Variants in IQGAP1 observed in about 807,000 individuals in gnomAD.
The protein encoded by IQGAP1 is ras GTPase-activating-like protein IQGAP1.
In IQGAP1, 66 loss-of-function variants were observed where a neutral mutation model predicts 215.6. That is an observed-to-expected ratio of 0.31 (90% confidence interval 0.25 to 0.38). The LOEUF (loss-of-function observed/expected upper bound fraction) is 0.38, where lower values mean the gene tolerates loss of function less well. IQGAP1 is among the 10% of genes least tolerant of loss of function. The probability of loss-of-function intolerance (pLI) is 1.00; values close to 1 mark genes in which losing one functional copy is unlikely to be tolerated. For synonymous variants in IQGAP1, 772 were observed against 728.7 expected, an observed-to-expected ratio of 1.06 and a Z score of -0.96; for missense variants, 1,712 against 1,997.1, an observed-to-expected ratio of 0.86 and a Z score of 2.72.
At chr15:90,478,912 A>G (rs1966017232) in intron 26 of IQGAP1, among the ~76,000 whole-genome samples, 1 of 152,250 alleles carries the variant, frequency 6.6e-6, no homozygotes, top group Non-Finnish European at 1.5e-5. Flanking sequence ...GCCATAGCGT[A>G]ACCACCAACA....
chr15:90,496,126 A>C (rs972518866), intron 36 of IQGAP1, among the ~76,000 whole-genome samples: 1 of 151,756 alleles, frequency 6.6e-6, no homozygotes, highest in African/African-American at 2.4e-5. Flanking sequence ...GAGGCGTTCC[A>C]GTTGAATAAG....
At chr15:90,414,910 G>A (rs1305416596) in intron 2 of IQGAP1, among the ~76,000 whole-genome samples, 2 of 151,980 alleles carry the variant, frequency 1.3e-5, no homozygotes, top group Non-Finnish European at 2.9e-5. Flanking sequence ...TTGTTTAATG[G>A]CATCATCTTT....
Position 90,500,243 on chromosome 15 carries a change from C to T in IQGAP1, c.*135C>T, listed in dbSNP as rs575008837. On this transcript the variant is annotated 3_prime_UTR_variant, in exon 38 of 38. Coordinates refer to ENST00000268182, the MANE Select transcript of IQGAP1 (RefSeq NM_003870.4). ...TCAATCTGATACACTCCCGATGCCA[C>T]ATTTTTAACTCCTCTCGCTCTGATG... The T allele has an allele frequency of 3.4e-6, 2 of 596,170 alleles. No individual in the cohort carries two copies. The highest frequency in any genetic ancestry group is 2.8e-5 in the East Asian group (1 of 36,064). 36.9% of individuals were successfully genotyped at this position (596,170 alleles called of 1,614,324 possible). A position where few individuals can be genotyped will look rare whatever the true frequency, so the allele number is the denominator to read the frequency against.
intron 15 of IQGAP1, among the ~76,000 whole-genome samples, chr15:90,464,569 G>A (rs574309755): frequency 3.3e-5 from 5 of 152,084 alleles, no homozygotes; most frequent in East Asian, 1.9e-4. Flanking sequence ...GGAAGATAAC[G>A]GCCAGGCGCA....
chr15:90,499,971 TG>T, intron 37 of IQGAP1, 23 bp from the exon 38 acceptor site: 1 of 1,209,946 alleles, frequency 8.3e-7, no homozygotes, highest in Non-Finnish European at 1.2e-6. Flanking sequence ...TGTTTTGTTT[TG>T]TTTTGTTTTG....
rs373044157 is a variant in IQGAP1 at position 90,500,441 on chromosome 15, TTTAA to T, written c.*337_*340del. On this transcript the variant is annotated 3_prime_UTR_variant, in exon 38 of 38. Coordinates refer to ENST00000268182, the MANE Select transcript of IQGAP1 (RefSeq NM_003870.4). ...ACTATATTGTAAGCTTTGGTGTTTGTTTAATTAGCAATAGGGATGGTAGGATTCA... is the reference window on the plus strand; with the variant it reads ...ACTATATTGTAAGCTTTGGTGTTTGTTTAGCAATAGGGATGGTAGGATTCA... 2.1e-4 allele frequency: 42 copies of T among 195,898 alleles called. No individual in the cohort carries two copies. The highest frequency in any genetic ancestry group is 9.2e-4 in the African/African-American group (40 of 43,682). 12.1% of individuals were successfully genotyped at this position (195,898 alleles called of 1,614,324 possible).
intron 3 of IQGAP1, among the ~76,000 whole-genome samples, chr15:90,426,482 C>T (rs1026211576): frequency 2.6e-5 from 4 of 151,306 alleles, no homozygotes; most frequent in African/African-American, 9.7e-5. Context: ...TCTGGAAAGC[C>T]CGCCTCCCCC....
At chr15:90,417,852 A>G (rs1965075453) in intron 2 of IQGAP1, among the ~76,000 whole-genome samples, 1 of 152,198 alleles carries the variant, frequency 6.6e-6, no homozygotes, top group South Asian at 2.1e-4. Context: ...TGAGCATGGA[A>G]TGTTCTTCCA....
In IQGAP1 at chr15:90,494,742, G is replaced by C. The variant is rs371367230; in HGVS notation, c.4658G>C (p.Gly1553Ala). Residue 1553 changes from glycine to alanine, a missense_variant, in exon 36 of 38, where the codon GGA becomes GCA. Physicochemically the swap from Gly to Ala is moderately conservative, Grantham distance 60 (BLOSUM62 0). Coordinates refer to ENST00000268182, the MANE Select transcript of IQGAP1 (RefSeq NM_003870.4). ...TCCAAAAAGCCTAGGGAAATGAAAG[G>C]AAAGAAAAGCAAAAAGATTTCTCTG... is the stretch of plus-strand genomic sequence containing the variant. ...KVSKKPREMK[G>A]KKSKKISLKY... 5 of 1,609,832 alleles carry C rather than the reference G, an allele frequency of 3.1e-6. No homozygotes were observed. Among genetic ancestry groups the C allele is most frequent in the African/African-American group, 1.3e-5 (1 of 74,732 alleles).
chr15:90,397,239 T>G (rs1328449957), intron 2 of IQGAP1, among the ~76,000 whole-genome samples: 1 of 152,196 alleles, frequency 6.6e-6, no homozygotes, highest in Non-Finnish European at 1.5e-5. Flanking sequence ...CTCTATATTC[T>G]CATAGTACGA....
intron 4 of IQGAP1, chr15:90,429,924 A>C (rs1284102233): frequency 3.8e-6 from 1 of 261,498 alleles, no homozygotes; most frequent in African/African-American, 2.2e-5. Flanking sequence ...GTAGACTTAC[A>C]TTTTACTATT....
At chr15:90,493,983 C>G (rs1966240218) in intron 35 of IQGAP1, 1 of 152,156 alleles carries the variant, frequency 6.6e-6, no homozygotes, top group Admixed American at 6.5e-5. Flanking sequence ...TTTGTCATGG[C>G]CTCCAGGCCT....
At chr15:90,456,040 G>C (rs1344477863) in intron 14 of IQGAP1, 112 bp from the exon 15 acceptor site, 5 of 859,126 alleles carry the variant, frequency 5.8e-6, no homozygotes, top group Non-Finnish European at 8.8e-6. Context: ...GTTGCAGTTT[G>C]AATCATGGTT....
chr15:90,464,807 A>G (rs2151028490), intron 15 of IQGAP1, among the ~76,000 whole-genome samples: 1 of 151,928 alleles, frequency 6.6e-6, no homozygotes, highest in Middle Eastern at 3.4e-3. Flanking sequence ...AGCCGAGATC[A>G]CGCCACTGCA....
chr15:90,435,488 C>T (rs1965358621), intron 5 of IQGAP1, among the ~76,000 whole-genome samples: 1 of 152,200 alleles, frequency 6.6e-6, no homozygotes, highest in South Asian at 2.1e-4. Flanking sequence ...AAAAACAAAA[C>T]AAAACATTAC....
Position 90,501,238 on chromosome 15 carries a change from T to G in IQGAP1, c.*1130T>G, listed in dbSNP as rs530972997. On this transcript the variant is annotated 3_prime_UTR_variant, in exon 38 of 38. Coordinates refer to ENST00000268182, the MANE Select transcript of IQGAP1 (RefSeq NM_003870.4). ...GTTACACGTGAGATTAAAACCAATT[T>G]TTTCCCCATTTTTTCTCCTTTTTTC... 31 of 152,358 alleles carry G rather than the reference T, an allele frequency of 2.0e-4. No homozygotes were observed. The highest frequency in any genetic ancestry group is 7.0e-4 in the African/African-American group (29 of 41,526). 9.4% of individuals were successfully genotyped at this position (152,358 alleles called of 1,614,324 possible).
chr15:90,456,224 A>G lies in IQGAP1; in HGVS notation c.1685A>G (p.Gln562Arg), dbSNP rs752716090. Residue 562 changes from glutamine (Q) to arginine (R), a missense_variant, in exon 15 of 38, where the codon CAG becomes CGG. Around this residue, in one of 2 missense-constraint regions of IQGAP1, gnomAD observed 1,021 missense variants for 1,074.2 expected, o/e 0.95. Transcript: ENST00000268182. ...GDAQKTLQAL[Q>R]IPAAKLEGVL... Reference sequence around the variant, plus strand: ...GCCCAAAAGACTCTGCAGGCCCTACAGATTCCTGCAGCTAAACTTGAGGGA... The same window carrying G: ...GCCCAAAAGACTCTGCAGGCCCTACGGATTCCTGCAGCTAAACTTGAGGGA... 6.2e-7 allele frequency: 1 copy of G among 1,614,050 alleles called. No homozygotes were observed.
At chr15:90,489,764 C>T (rs1390121992) in intron 33 of IQGAP1, among the ~76,000 whole-genome samples, 1 of 152,210 alleles carries the variant, frequency 6.6e-6, no homozygotes, top group Non-Finnish European at 1.5e-5. Flanking sequence ...TAAACCAATA[C>T]TTGAAACATG....
At chr15:90,470,116 T>C (rs1478565433) in intron 18 of IQGAP1, among the ~76,000 whole-genome samples, 1 of 152,186 alleles carries the variant, frequency 6.6e-6, no homozygotes, top group Non-Finnish European at 1.5e-5. Context: ...GAAGGGATGC[T>C]ACCTCATTTT....
Sources: allele counts gnomAD v4.1 joint callset (sites outside exome capture counted in the v4.1 genomes callset), GRCh38; gene constraint gnomAD v4.1.1; regional missense constraint gnomAD v4.1.1; transcripts MANE v1.5; gene names NCBI Gene and HGNC (gene_info 2026-07-23, HGNC 2026-07-21).